The following LOXHD1 variants were observed in gnomAD, a reference collection of about 807,000 sequenced individuals.
The protein encoded by LOXHD1 is lipoxygenase homology PLAT domains 1.
A neutral mutation model predicts 248.2 loss-of-function variants in LOXHD1; 205 were observed. That is an observed-to-expected ratio of 0.83 (90% confidence interval 0.74 to 0.93). LOXHD1 has a LOEUF of 0.93. LOXHD1 is among the 40% of genes least tolerant of loss of function. LOXHD1 has a pLI of 0.00. For synonymous variants in LOXHD1, 1,113 were observed against 1,162.8 expected (o/e 0.96, Z 0.87); for missense variants, 2,930 against 2,971.6 (o/e 0.99, Z 0.33).
chr18:46,538,871 T>G (rs1189511337), intron 25 of LOXHD1, among the ~76,000 whole-genome samples: 1 of 152,038 alleles, frequency 6.6e-6, no homozygotes, highest in Non-Finnish European at 1.5e-5. Flanking sequence ...AGTCTCTCAC[T>G]TGCTCCCAGA....
intron 4 of LOXHD1, among the ~76,000 whole-genome samples, chr18:46,639,196 T>C (rs1599068620): frequency 6.6e-6 from 1 of 152,220 alleles, no homozygotes; most frequent in East Asian, 1.9e-4. Context: ...CTGCAAGCTC[T>C]GATTCCTACC....
At chr18:46,623,419 C>G (rs1211421602) in intron 4 of LOXHD1, among the ~76,000 whole-genome samples, 1 of 152,160 alleles carries the variant, frequency 6.6e-6, no homozygotes, top group African/African-American at 2.4e-5. Context: ...GGGTTGTAGA[C>G]CAGGGATTAA....
At chr18:46,626,024 GA>G (rs1356275886) in intron 4 of LOXHD1, among the ~76,000 whole-genome samples, 1 of 152,166 alleles carries the variant, frequency 6.6e-6, no homozygotes, top group Non-Finnish European at 1.5e-5. Flanking sequence ...GCAGGTGAGT[GA>G]TATATGTTAA....
At chr18:46,584,984 G>A (rs1202209712) in intron 12 of LOXHD1, among the ~76,000 whole-genome samples, 1 of 151,986 alleles carries the variant, frequency 6.6e-6, no homozygotes, top group Non-Finnish European at 1.5e-5. Flanking sequence ...CTCAATAAAT[G>A]TAGAAAAAGC....
chr18:46,544,986 G>A, intron 23 of LOXHD1: 1 of 488,646 alleles, frequency 2.0e-6, no homozygotes, highest in Non-Finnish European at 4.2e-6. Flanking sequence ...CTGAGCAAAG[G>A]CTCCTGAACA....
intron 38 of LOXHD1, among the ~76,000 whole-genome samples, chr18:46,486,409 A>G (rs1233921973): frequency 6.6e-6 from 1 of 152,192 alleles, no homozygotes; most frequent in Non-Finnish European, 1.5e-5. Flanking sequence ...TTTCTCAAGG[A>G]GAAATCTCTG....
chr18:46,585,013 C>A (rs2038033432), intron 12 of LOXHD1, among the ~76,000 whole-genome samples: 1 of 152,000 alleles, frequency 6.6e-6, no homozygotes, highest in South Asian at 2.1e-4. Flanking sequence ...AAATCTAACA[C>A]CCTTTCATGA....
intron 1 of LOXHD1, among the ~76,000 whole-genome samples, chr18:46,651,069 C>G (rs1041088725): frequency 6.6e-6 from 1 of 152,236 alleles, no homozygotes; most frequent in Non-Finnish European, 1.5e-5. Flanking sequence ...ACTTTGAGAG[C>G]TAAGAGTTTG....
intron 29 of LOXHD1, among the ~76,000 whole-genome samples, chr18:46,528,919 C>T (rs1274089532): frequency 1.3e-5 from 2 of 152,126 alleles, no homozygotes; most frequent in Admixed American, 1.3e-4. Flanking sequence ...CAACCTCGAG[C>T]TCCAGCAGGC....
Position 46,501,438 on chromosome 18 carries a change from A to C in LOXHD1, c.5878+4400T>G, listed in dbSNP as rs78118468. On this transcript the variant is annotated intron_variant, in intron 37 of 40. Coordinates refer to ENST00000642948, the MANE Select transcript of LOXHD1 (RefSeq NM_001384474.1). ...CCCCAAACATAGTGGTTGGTCCTCA[A>C]GCTGAAGTGCTATTTAGTGTTTCTA... 1.4e-4 allele frequency among the ~76,000 whole-genome samples: 21 copies of C among 152,306 alleles called. No homozygotes were observed. The East Asian group carries it at 4.1e-3, about 29-fold the overall frequency.
chr18:46,601,773 A>G, intron 7 of LOXHD1: 2 of 377,636 alleles, frequency 5.3e-6, no homozygotes, highest in Middle Eastern at 8.6e-4. Context: ...TTGGCTAAGA[A>G]TAGTACTTAT....
At chr18:46,514,672 G>A (rs554688202) in intron 34 of LOXHD1, among the ~76,000 whole-genome samples, 7 of 152,160 alleles carry the variant, frequency 4.6e-5, no homozygotes, top group African/African-American at 1.4e-4. Context: ...CTCTTTCCAT[G>A]CTCTTTGTAC....
intron 36 of LOXHD1, 51 bp from the exon 37 acceptor site, chr18:46,506,074 G>T: frequency 6.5e-7 from 1 of 1,538,438 alleles, no homozygotes; most frequent in East Asian, 2.5e-5. Flanking sequence ...TTGACACACA[G>T]TCCTCTTGCT....
At chr18:46,494,606 G>A (rs918116715) in intron 37 of LOXHD1, among the ~76,000 whole-genome samples, 1 of 152,210 alleles carries the variant, frequency 6.6e-6, no homozygotes, top group South Asian at 2.1e-4. Flanking sequence ...GCCACCCAGA[G>A]CAACACTCTG....
In LOXHD1 at chr18:46,524,795, G is replaced by C. The variant is rs948582350; in HGVS notation, c.4653C>G (p.Thr1551=). ...YVEKVEIWND[T]NEDEFLFLCG... is the part of the protein sequence containing the mutation. ...ATAGGAACAGGAACTCGTCCTCGTT[G>C]GTGTCATTCCAGATCTCCACCTTCT... The change falls in exon 30 of 41, where the codon ACC becomes ACG. Residue 1551 remains threonine, a synonymous_variant. Transcript: ENST00000642948. The C allele has an allele frequency of 6.4e-7, 1 of 1,551,616 alleles. No homozygotes were observed. The highest frequency in any genetic ancestry group is 1.4e-5 in the African/African-American group (1 of 73,036).
chr18:46,516,908 T>G (rs891392036), intron 34 of LOXHD1, among the ~76,000 whole-genome samples: 1 of 152,088 alleles, frequency 6.6e-6, no homozygotes, highest in South Asian at 2.1e-4. Context: ...CCAGTCATCA[T>G]CCCTACCATT....
chr18:46,498,139 G>T (rs1043816913), intron 37 of LOXHD1, among the ~76,000 whole-genome samples: 2 of 152,278 alleles, frequency 1.3e-5, no homozygotes, highest in East Asian at 3.9e-4. Context: ...TAGGAGCAAG[G>T]CCTTTGCTAA....
chr18:46,554,220 G>A (rs1436504668), intron 21 of LOXHD1, among the ~76,000 whole-genome samples: 1 of 152,216 alleles, frequency 6.6e-6, no homozygotes, highest in African/African-American at 2.4e-5. Flanking sequence ...TCTTCTGATG[G>A]AAGGCCCAAC....
At chr18:46,604,306 A>C (rs1328439600) in intron 6 of LOXHD1, 77 bp from the exon 7 acceptor site, 10 of 1,524,322 alleles carry the variant, frequency 6.6e-6, no homozygotes, top group Non-Finnish European at 8.9e-6. Flanking sequence ...CCAATCTTCC[A>C]ATCACTTGAG....
Sources: gnomAD v4.1 joint callset for allele counts (sites outside exome capture counted in the v4.1 genomes callset) on GRCh38, gnomAD v4.1.1 for gene constraint, MANE v1.5 for transcripts, NCBI Gene and HGNC (gene_info 2026-07-23, HGNC 2026-07-21) for gene names.